Variants in KBTBD11 observed in about 807,000 individuals in gnomAD.
KBTBD11 encodes the protein kelch repeat and BTB domain-containing protein 11.
For synonymous variants in KBTBD11, 747 were observed against 499.0 expected, an observed-to-expected ratio of 1.50 and a Z score of -6.63; for missense variants, 1,390 against 1,001.8, an observed-to-expected ratio of 1.39 and a Z score of -5.23.
Position 2,002,230 on chromosome 8 carries a change from C to T in KBTBD11, c.1038C>T (p.Gly346=). 1 of 1,267,142 alleles carries T rather than the reference C, an allele frequency of 7.9e-7. No homozygotes were observed. Among genetic ancestry groups the T allele is most frequent in the Non-Finnish European group, 9.9e-7 (1 of 1,011,114 alleles). 78.5% of individuals were successfully genotyped at this position (1,267,142 alleles called of 1,614,324 possible). A position where few individuals can be genotyped will look rare whatever the true frequency, so the allele number is the denominator to read the frequency against. ...GCGAGCTGACGCGGCTGCCCGAGGG[C>T]GCGCCGGCGCGGGGCTGCGGCCTGT... is the stretch of plus-strand genomic sequence containing the variant. ...EWRELTRLPE[G]APARGCGLCV... Residue 346 remains glycine, a synonymous_variant, in exon 2 of 2, where the codon GGC becomes GGT. Coordinates refer to ENST00000320248, the MANE Select transcript of KBTBD11 (RefSeq NM_014867.3). The surrounding 1 kb of genome is among the most constrained non-coding windows in gnomAD (Gnocchi z 4.1).
Position 1,973,861 on chromosome 8 carries a change from C to T in KBTBD11, c.-983C>T. ...GGCTCCCACAGGTGCCGGGAAGCGG[C>T]CGCGCGCATGCGCCGGAGCCCACCC... On this transcript the variant is annotated 5_prime_UTR_variant, in exon 1 of 2. Coordinates refer to ENST00000320248, the MANE Select transcript of KBTBD11 (RefSeq NM_014867.3). The T allele has an allele frequency of 5.1e-6, 5 of 982,918 alleles. No homozygotes were observed. The highest frequency in any genetic ancestry group is 6.0e-6 in the Non-Finnish European group (5 of 829,014). The allele number at this position is 982,918 out of a possible 1,614,324, so 60.9% of individuals were successfully genotyped here. A position where few individuals can be genotyped will look rare whatever the true frequency, so the allele number is the denominator to read the frequency against.
rs530371941 is a variant in KBTBD11, at chr8:2,001,873, G to A, written c.681G>A (p.Val227=). ...CCGCGCAGCGCGCCACCGACGCCGT[G>A]GGGCCGCAGCTGAGCCTGGCCAACT... ...PGAAQRATDA[V]GPQLSLANCY... is the part of the protein sequence containing the mutation. Residue 227 remains valine (V), a synonymous_variant, in exon 2 of 2, where the codon GTG becomes GTA. Transcript: ENST00000320248. 1.9e-5 allele frequency: 25 copies of A among 1,331,952 alleles called. No homozygotes were observed. The African/African-American group carries it at 3.4e-4, about 18-fold the overall frequency. 82.5% of individuals were successfully genotyped at this position (1,331,952 alleles called of 1,614,324 possible).
intron 1 of KBTBD11, among the ~76,000 whole-genome samples, chr8:1,994,183 G>A (rs1260255200): frequency 6.6e-6 from 1 of 151,866 alleles, no homozygotes; most frequent in African/African-American, 2.4e-5. Context: ...CCTGCTAGGA[G>A]ATTCAGCCTA....
rs113286879 is a variant in KBTBD11, at chr8:1,997,421, T to C, written c.-908-2864T>C. On this transcript the variant is annotated intron_variant, in intron 1 of 1. Coordinates refer to ENST00000320248, the MANE Select transcript of KBTBD11 (RefSeq NM_014867.3). ...ATTCTGGAAAAAAAAAAAAAAGTCT[T>C]AATGTTGAGTTTCTTTTAACATAAT... Among the ~76,000 whole-genome samples the C allele has an allele frequency of 4.4e-3, 672 of 152,022 alleles. 6 individuals carry two copies. Among genetic ancestry groups the C allele is most frequent in the African/African-American group, 0.012 (496 of 41,500 alleles).
At chr8:1,985,469 C>T (rs1027244465) in intron 1 of KBTBD11, among the ~76,000 whole-genome samples, 2 of 152,290 alleles carry the variant, frequency 1.3e-5, no homozygotes, top group Non-Finnish European at 2.9e-5. Context: ...CAGCGTCTGT[C>T]CTGGCGCCCG....
intron 1 of KBTBD11, among the ~76,000 whole-genome samples, chr8:1,991,133 C>T (rs1282923966): frequency 1.3e-5 from 2 of 152,066 alleles, no homozygotes; most frequent in East Asian, 3.9e-4. Context: ...CGGGTAGATG[C>T]TGTGGGGCCT....
chr8:1,984,500 G>C (rs549504548), intron 1 of KBTBD11, among the ~76,000 whole-genome samples: 1 of 152,020 alleles, frequency 6.6e-6, no homozygotes, highest in Non-Finnish European at 1.5e-5. Flanking sequence ...TGTTAGGCAG[G>C]ATGGTCTCAG....
chr8:1,992,617 T>A (rs542033692), intron 1 of KBTBD11, among the ~76,000 whole-genome samples: 4 of 151,878 alleles, frequency 2.6e-5, no homozygotes, highest in Admixed American at 2.6e-4. Context: ...AAAAAAAAAA[T>A]TCATCCCAAT....
chr8:1,995,579 G>A (rs1191215000), intron 1 of KBTBD11, among the ~76,000 whole-genome samples: 3 of 152,130 alleles, frequency 2.0e-5, no homozygotes, highest in African/African-American at 7.2e-5. Flanking sequence ...ATCAGTGTCA[G>A]TGATGGCACC....
At chr8:1,994,171 G>T (rs931064249) in intron 1 of KBTBD11, among the ~76,000 whole-genome samples, 12 of 152,256 alleles carry the variant, frequency 7.9e-5, no homozygotes, top group African/African-American at 2.9e-4. Context: ...TTCCAATTAA[G>T]TCCTGCTAGG....
chr8:1,979,792 G>A (rs78749414), intron 1 of KBTBD11, among the ~76,000 whole-genome samples: 7,633 of 152,300 alleles, frequency 0.05, 661 homozygotes, highest in African/African-American at 0.17. Context: ...GTCCTGAAGT[G>A]CAGCTGGGTG....
rs1817469260 is a variant in KBTBD11 at position 2,003,300 on chromosome 8, T to G, written c.*236T>G. 3 of 495,528 alleles carry G rather than the reference T, an allele frequency of 6.1e-6. No homozygotes were observed. The highest frequency in any genetic ancestry group is 9.6e-6 in the Non-Finnish European group (3 of 313,338). The allele number at this position is 495,528 out of a possible 1,614,324, so 30.7% of individuals were successfully genotyped here. A position where few individuals can be genotyped will look rare whatever the true frequency, so the allele number is the denominator to read the frequency against. ...CCCAGGAGGTGTGCGGATGGGTCCCTTGACAGACAGGACACAGAGAAGGCT... is the reference window on the plus strand; with the variant it reads ...CCCAGGAGGTGTGCGGATGGGTCCCGTGACAGACAGGACACAGAGAAGGCT... On this transcript the variant is annotated 3_prime_UTR_variant, in exon 2 of 2. Transcript: ENST00000320248.
rs1429857157 is a variant in KBTBD11, at chr8:2,001,714, G to A, written c.522G>A (p.Leu174=). The change falls in exon 2 of 2, where the codon CTG becomes CTA. Residue 174 remains leucine, a synonymous_variant. Transcript: ENST00000320248. ...GCGCGCGCGCGTCGCGGGACGTGCT[G>A]CGGGTGCAGGGAGTGAGCCTGACGG... The part of the protein sequence containing the change: ...YFRARASRDV[L]RVQGVSLTAL... 7.7e-6 allele frequency: 11 copies of A among 1,424,624 alleles called. No homozygotes were observed. Among genetic ancestry groups the A allele is most frequent in the Non-Finnish European group, 1.0e-5 (11 of 1,093,802 alleles). The allele number at this position is 1,424,624 out of a possible 1,614,324, so 88.2% of individuals were successfully genotyped here.
At chr8:1,977,447 G>A (rs189551142) in intron 1 of KBTBD11, among the ~76,000 whole-genome samples, 12 of 152,228 alleles carry the variant, frequency 7.9e-5, no homozygotes, top group South Asian at 4.2e-4. Context: ...TTGGACTCCT[G>A]CAGTAGTCTC....
chr8:1,976,787 C>T (rs556122153), intron 1 of KBTBD11, among the ~76,000 whole-genome samples: 1 of 152,218 alleles, frequency 6.6e-6, no homozygotes, highest in African/African-American at 2.4e-5. Context: ...GAATGTTAGG[C>T]CGAGAACTAA....
intron 1 of KBTBD11, among the ~76,000 whole-genome samples, chr8:1,993,381 C>T (rs2129313581): frequency 7.5e-6 from 1 of 132,608 alleles, no homozygotes; most frequent in Non-Finnish European, 1.6e-5. Flanking sequence ...GTCCGTCCGT[C>T]CGTCCGTCCG....
chr8:2,001,760 G>T lies in KBTBD11; in HGVS notation c.568G>T (p.Asp190Tyr), dbSNP rs1817372243. The T allele has an allele frequency of 7.7e-7, 1 of 1,300,020 alleles. No homozygotes were observed. The highest frequency in any genetic ancestry group is 9.7e-7 in the Non-Finnish European group (1 of 1,026,734). The allele number at this position is 1,300,020 out of a possible 1,614,324, so 80.5% of individuals were successfully genotyped here. A position where few individuals can be genotyped will look rare whatever the true frequency, so the allele number is the denominator to read the frequency against. ...SLTALRLLLA[D>Y]AYSGRMAGVR... ...GACGGCGCTGCGGCTGCTCCTCGCCGACGCCTACAGCGGGCGCATGGCGGG... is the reference window on the plus strand; with the variant it reads ...GACGGCGCTGCGGCTGCTCCTCGCCTACGCCTACAGCGGGCGCATGGCGGG... Residue 190 changes from aspartate (D) to tyrosine (Y), a missense_variant, in exon 2 of 2, where the codon GAC (aspartate) becomes TAC (tyrosine). Asp to Tyr is a radical substitution (Grantham distance 160). Transcript: ENST00000320248.
intron 1 of KBTBD11, among the ~76,000 whole-genome samples, chr8:1,998,602 T>C (rs1179410520): frequency 6.6e-6 from 1 of 152,228 alleles, no homozygotes; most frequent in Non-Finnish European, 1.5e-5. Context: ...GAGAGCCCTT[T>C]CTAGGCCAAG....
chr8:1,997,139 C>CG (rs1014049869), intron 1 of KBTBD11, among the ~76,000 whole-genome samples: 5 of 152,062 alleles, frequency 3.3e-5, no homozygotes, highest in Non-Finnish European at 5.9e-5. Context: ...AACCCTCCGG[C>CG]GGGGGGTGGG....
Sources: gnomAD v4.1 joint callset for allele counts (sites outside exome capture counted in the v4.1 genomes callset) on GRCh38, gnomAD v4.1.1 for gene constraint, Gnocchi (gnomAD v3.1) non-coding constraint, MANE v1.5 for transcripts, NCBI Gene and HGNC (gene_info 2026-07-23, HGNC 2026-07-21) for gene names.